Variants in SPATA16 observed in about 807,000 individuals in gnomAD.
SPATA16 encodes spermatogenesis-associated protein 16.
A neutral mutation model predicts 63.3 loss-of-function variants in SPATA16; 36 were observed. The ratio of observed to expected loss-of-function variants is 0.57; its 90% CI spans 0.44 to 0.75. The LOEUF (loss-of-function observed/expected upper bound fraction) is 0.75, where lower values mean the gene tolerates loss of function less well. Ranked by LOEUF, SPATA16 falls within the 30% of genes least tolerant of loss-of-function variation. SPATA16 has a pLI of 0.00. For missense variants in SPATA16, 646 were observed against 679.3 expected (o/e 0.95, Z 0.54); for synonymous variants, 203 against 216.7 (o/e 0.94, Z 0.56).
At chr3:173,088,018 CT>C (rs1228717792) in intron 2 of SPATA16, among the ~76,000 whole-genome samples, 4 of 88,170 alleles carry the variant, frequency 4.5e-5, no homozygotes, top group Admixed American at 1.2e-4. Context: ...GTCTTTCTTT[CT>C]TTCTTTCTTT....
At chr3:173,120,425 T>C (rs1738030950) in intron 1 of SPATA16, among the ~76,000 whole-genome samples, 1 of 152,156 alleles carries the variant, frequency 6.6e-6, no homozygotes. Flanking sequence ...AGTAGGCTGT[T>C]AAAAATATAA....
At chr3:172,894,946 T>C (rs1731978270) in intron 10 of SPATA16, among the ~76,000 whole-genome samples, 1 of 152,224 alleles carries the variant, frequency 6.6e-6, no homozygotes, top group Non-Finnish European at 1.5e-5. Flanking sequence ...ACCCAGGCTA[T>C]GGCATTTTGT....
At chr3:173,047,543 A>T (rs1735985054) in intron 3 of SPATA16, among the ~76,000 whole-genome samples, 1 of 151,916 alleles carries the variant, frequency 6.6e-6, no homozygotes, top group Non-Finnish European at 1.5e-5. Context: ...TATTTTTAAA[A>T]TTTTTACTTA....
chr3:172,904,871 A>G (rs534526400), intron 10 of SPATA16, among the ~76,000 whole-genome samples: 291 of 152,214 alleles, frequency 1.9e-3, no homozygotes, highest in Non-Finnish European at 3.5e-3. Context: ...CGATTGCCCC[A>G]GGGCTTAGCT....
chr3:173,018,283 T>TC (rs1401700263), intron 4 of SPATA16, among the ~76,000 whole-genome samples: 3 of 151,820 alleles, frequency 2.0e-5, no homozygotes, highest in Non-Finnish European at 4.4e-5. Context: ...ATTTTTTTTT[T>TC]TTTTTTTTGA....
chr3:173,066,353 G>A (rs1736520777), intron 2 of SPATA16, among the ~76,000 whole-genome samples: 2 of 152,194 alleles, frequency 1.3e-5, no homozygotes, highest in Admixed American at 1.3e-4. Context: ...GTGAGCCCCA[G>A]TATTGTTCTT....
chr3:172,991,203 C>T (rs1209542093), intron 4 of SPATA16, among the ~76,000 whole-genome samples: 1 of 152,106 alleles, frequency 6.6e-6, no homozygotes, highest in African/African-American at 2.4e-5. Flanking sequence ...GCCTATTGTT[C>T]TCTCAGGGGA....
chr3:173,079,868 T>A (rs1736886859), intron 2 of SPATA16, among the ~76,000 whole-genome samples: 1 of 152,170 alleles, frequency 6.6e-6, no homozygotes, highest in Non-Finnish European at 1.5e-5. Flanking sequence ...TTTTTATTTT[T>A]AAAAATGTGG....
At chr3:173,023,188 C>T (rs1735376827) in intron 3 of SPATA16, among the ~76,000 whole-genome samples, 1 of 147,184 alleles carries the variant, frequency 6.8e-6, no homozygotes, top group African/African-American at 2.5e-5. Context: ...TTTTATTAAG[C>T]CCTAAATTTG....
At chr3:173,064,320 CAAAAAAAAA>C (rs59773490) in intron 2 of SPATA16, among the ~76,000 whole-genome samples, 3 of 57,672 alleles carry the variant, frequency 5.2e-5, no homozygotes, top group South Asian at 6.6e-4. Flanking sequence ...ACACGCACAC[CAAAAAAAAA>C]AAAAAAAAAA....
At chr3:172,939,280 T>C (rs1363221657) in intron 6 of SPATA16, among the ~76,000 whole-genome samples, 1 of 152,160 alleles carries the variant, frequency 6.6e-6, no homozygotes, top group Non-Finnish European at 1.5e-5. Flanking sequence ...TTTCTCCTAC[T>C]ATAAACCTTG....
intron 1 of SPATA16, among the ~76,000 whole-genome samples, chr3:173,127,965 C>T (rs997892563): frequency 3.3e-5 from 5 of 152,160 alleles, no homozygotes; most frequent in African/African-American, 4.8e-5. Flanking sequence ...TTTCCTAACT[C>T]ATGACATCAT....
chr3:173,017,308 A>C (rs1735214141), intron 4 of SPATA16, among the ~76,000 whole-genome samples: 1 of 152,242 alleles, frequency 6.6e-6, no homozygotes, highest in Admixed American at 6.5e-5. Context: ...AATGATATTA[A>C]GCAGATATGC....
intron 2 of SPATA16, among the ~76,000 whole-genome samples, chr3:173,070,781 A>G (rs1012531679): frequency 2.0e-5 from 3 of 152,220 alleles, no homozygotes; most frequent in Admixed American, 6.5e-5. Flanking sequence ...TACAATGAAA[A>G]CTATAAAACA....
chr3:173,019,418 T>G, intron 4 of SPATA16, 68 bp downstream of exon 4: 2 of 1,310,826 alleles, frequency 1.5e-6, no homozygotes, highest in Non-Finnish European at 2.2e-6. Flanking sequence ...GTTATGCTAT[T>G]ACCAGAATTT....
intron 3 of SPATA16, among the ~76,000 whole-genome samples, chr3:173,019,879 TTTTA>T (rs1449828199): frequency 1.3e-5 from 2 of 149,144 alleles, no homozygotes; most frequent in Non-Finnish European, 3.0e-5. Context: ...CATGGTGCTA[TTTTA>T]TTTGTTTTTA....
At chr3:173,089,588 G>A (rs2108318544) in intron 2 of SPATA16, among the ~76,000 whole-genome samples, 1 of 152,320 alleles carries the variant, frequency 6.6e-6, no homozygotes, top group South Asian at 2.1e-4. Context: ...GAAAAGGGGA[G>A]CCTGTGACTT....
intron 2 of SPATA16, among the ~76,000 whole-genome samples, chr3:173,114,106 G>A (rs1737822744): frequency 6.6e-6 from 1 of 151,446 alleles, no homozygotes; most frequent in Non-Finnish European, 1.5e-5. Context: ...CTTGAACCTG[G>A]GAGGCGGAGG....
chr3:172,925,736 T>TGG (rs1004064313), intron 6 of SPATA16, among the ~76,000 whole-genome samples: 1 of 152,232 alleles, frequency 6.6e-6, no homozygotes, highest in African/African-American at 2.4e-5. Context: ...CTAGATCACA[T>TGG]GGTCATCTTT....
Sources: allele counts gnomAD v4.1 joint callset (sites outside exome capture counted in the v4.1 genomes callset), GRCh38; gene constraint gnomAD v4.1.1; transcripts MANE v1.5; gene names NCBI Gene and HGNC (gene_info 2026-07-23, HGNC 2026-07-21).